GBA1: variants seen among roughly 807,000 people sequenced by gnomAD.
GBA1 encodes lysosomal acid glucosylceramidase.
the GBA1 span, chr1:155,241,352 C>G: frequency 6.6e-6 from 4 of 610,090 alleles, no homozygotes; most frequent in Non-Finnish European, 1.2e-5. Context: ...GGCTTCCTCT[C>G]ATCTGTTACA....
the GBA1 span, chr1:155,244,460 G>A: frequency 6.6e-6 from 1 of 152,296 alleles, no homozygotes; most frequent in South Asian, 2.1e-4. Context: ...CGAACGCAGG[G>A]AGGGGACAGC....
the GBA1 span, among the ~76,000 whole-genome samples, chr1:155,237,168 C>T: frequency 3.3e-5 from 5 of 152,278 alleles, no homozygotes; most frequent in Middle Eastern, 3.4e-3. Context: ...CCTCGCCCAG[C>T]CCCTAGAAAG....
the GBA1 span, among the ~76,000 whole-genome samples, chr1:155,243,061 G>T: frequency 6.6e-6 from 1 of 152,212 alleles, no homozygotes; most frequent in Non-Finnish European, 1.5e-5. Context: ...GTTTGAGTGT[G>T]ATAATGTGTC....
chr1:155,237,329 T>A, the GBA1 span: 5 of 1,613,850 alleles, frequency 3.1e-6, no homozygotes, highest in Admixed American at 5.0e-5. Flanking sequence ...ACCATGGAGG[T>A]CCAGGCCTTA....
At chr1:155,238,774 T>C in the GBA1 span, 5 of 1,543,172 alleles carry the variant, frequency 3.2e-6, no homozygotes, top group Non-Finnish European at 4.4e-6. Context: ...GCTCCTGGGT[T>C]GGAACCTGTG....
chr1:155,237,222 A>C, the GBA1 span: 99 of 1,558,148 alleles, frequency 6.4e-5, 1 homozygote, highest in South Asian at 1.2e-4. Flanking sequence ...CTGGAGGTCC[A>C]GGGGAATGGT....
chr1:155,239,699 A>G, the GBA1 span: 2 of 1,614,140 alleles, frequency 1.2e-6, no homozygotes, highest in Non-Finnish European at 1.7e-6. Context: ...AGCATCTGTC[A>G]TGGCCCCTCC....
the GBA1 span, chr1:155,244,061 C>G: frequency 6.6e-6 from 1 of 152,320 alleles, no homozygotes; most frequent in Non-Finnish European, 1.5e-5. Flanking sequence ...ATTTTATAAT[C>G]TCTTCTTCAT....
the GBA1 span, chr1:155,235,938 G>C: frequency 4.8e-6 from 7 of 1,469,428 alleles, no homozygotes; most frequent in Admixed American, 1.7e-5. Context: ...GGCAGCTGTG[G>C]GTAGGTCAGC....
chr1:155,239,632 C>A, the GBA1 span: 1 of 1,614,136 alleles, frequency 6.2e-7, no homozygotes, highest in Non-Finnish European at 8.5e-7. Context: ...CAGAGAAGTA[C>A]GATTTAAGTA....
At chr1:155,235,281 C>T in the GBA1 span, 2 of 1,613,808 alleles carry the variant, frequency 1.2e-6, no homozygotes, top group Non-Finnish European at 1.7e-6. Flanking sequence ...CAACCAGCCC[C>T]ACTCTCTGGG....
the GBA1 span, among the ~76,000 whole-genome samples, chr1:155,239,425 G>A: frequency 3.9e-5 from 6 of 152,000 alleles, no homozygotes; most frequent in African/African-American, 7.3e-5. Flanking sequence ...CAGCTACTCA[G>A]GAGGCTGAGG....
the GBA1 span, chr1:155,235,200 T>C: frequency 1.9e-6 from 3 of 1,612,802 alleles, no homozygotes; most frequent in Non-Finnish European, 2.5e-6. Flanking sequence ...CTCACCGGTT[T>C]AGCACGACCA....
At chr1:155,238,055 T>C in the GBA1 span, 5,758 of 1,456,646 alleles carry the variant, frequency 4.0e-3, 172 homozygotes, top group African/African-American at 0.07. Context: ...GAAGTGGAAC[T>C]AGGTTGAGGG....
At chr1:155,238,782 G>A in the GBA1 span, 1 of 1,481,920 alleles carries the variant, frequency 6.7e-7, no homozygotes, top group Admixed American at 1.8e-5. Context: ...GTTGGAACCT[G>A]TGGAGGCTGG....
the GBA1 span, chr1:155,236,381 A>G: frequency 8.7e-6 from 14 of 1,613,998 alleles, no homozygotes; most frequent in Non-Finnish European, 1.2e-5. Flanking sequence ...TGTCTCCCCT[A>G]GGGTGGCTTT....
At chr1:155,240,330 G>C in the GBA1 span, 1 of 603,414 alleles carries the variant, frequency 1.7e-6, no homozygotes. Context: ...TGGGCGTAGT[G>C]GTGGCCGCCT....
the GBA1 span, among the ~76,000 whole-genome samples, chr1:155,242,890 G>A: frequency 6.6e-6 from 1 of 152,160 alleles, no homozygotes; most frequent in Admixed American, 6.5e-5. Context: ...ACCACACCCG[G>A]TCCCTCCAGT....
chr1:155,242,887 C>G, the GBA1 span, among the ~76,000 whole-genome samples: 1 of 152,308 alleles, frequency 6.6e-6, no homozygotes, highest in South Asian at 2.1e-4. Context: ...GCCACCACAC[C>G]CGGTCCCTCC....
Sources: gnomAD v4.1 joint callset for allele counts (sites outside exome capture counted in the v4.1 genomes callset) on GRCh38, gnomAD v4.1.1 for gene constraint, MANE v1.5 for transcripts, NCBI Gene and HGNC (gene_info 2026-07-23, HGNC 2026-07-21) for gene names.